Variants in SLC4A10 observed in about 807,000 individuals in gnomAD.
The protein encoded by SLC4A10 is sodium-driven chloride bicarbonate exchanger.
In SLC4A10, 42 loss-of-function variants were observed where a neutral mutation model predicts 137.7. That is an observed-to-expected ratio of 0.30 (90% CI 0.24 to 0.39). The LOEUF (loss-of-function observed/expected upper bound fraction) is 0.39, where lower values mean the gene tolerates loss of function less well. SLC4A10 is among the 10% of genes least tolerant of loss of function. The pLI, the probability that SLC4A10 is intolerant of heterozygous loss-of-function variation, is 1.00. For missense variants in SLC4A10, 925 were observed against 1,355.0 expected (o/e 0.68, Z 4.98); for synonymous variants, 474 against 464.1 (o/e 1.02, Z -0.27).
intron 1 of SLC4A10, among the ~76,000 whole-genome samples, chr2:161,711,693 A>G (rs929534472): frequency 2.0e-5 from 3 of 151,692 alleles, no homozygotes; most frequent in South Asian, 4.1e-4. Context: ...TTGATTTGCA[A>G]ATTCTTCTGG....
intron 20 of SLC4A10, among the ~76,000 whole-genome samples, chr2:161,957,554 C>T (rs967498223): frequency 5.3e-5 from 8 of 152,034 alleles, no homozygotes; most frequent in Non-Finnish European, 5.9e-5. Context: ...ACTTGTGACC[C>T]GAATCCATTA....
chr2:161,729,819 C>G (rs2046643710), intron 1 of SLC4A10, among the ~76,000 whole-genome samples: 1 of 152,184 alleles, frequency 6.6e-6, no homozygotes, highest in Non-Finnish European at 1.5e-5. Flanking sequence ...CTTCTCATCA[C>G]CTTTCACTAG....
In SLC4A10 at chr2:161,949,253, GT is replaced by G; in HGVS notation, c.2375del (p.Phe792SerfsTer15). ...IPSPKLQVPS[V>X]FKPTRDDRGW... Reference sequence around the variant, plus strand: ...ATCTCCAAAACTACAAGTACCAAGTGTTTTCAAGGTACTTACTATCTCTCTC... The same window carrying G: ...ATCTCCAAAACTACAAGTACCAAGTGTTTCAAGGTACTTACTATCTCTCTC... On this transcript the variant is annotated frameshift_variant, in exon 18 of 27. Coordinates refer to ENST00000446997, the MANE Select transcript of SLC4A10 (RefSeq NM_001178015.2). LOFTEE classifies it high-confidence loss of function. The G allele has an allele frequency of 6.3e-7, 1 of 1,595,532 alleles. No individual in the cohort carries two copies. Among genetic ancestry groups the G allele is most frequent in the East Asian group, 2.2e-5 (1 of 44,484 alleles).
chr2:161,844,030 A>G (rs1178189849), intron 4 of SLC4A10, among the ~76,000 whole-genome samples: 3 of 152,160 alleles, frequency 2.0e-5, no homozygotes, highest in African/African-American at 4.8e-5. Flanking sequence ...CACAATTACA[A>G]TGTCCTGCTT....
At chr2:161,628,312 A>G (rs566741956) in intron 1 of SLC4A10, among the ~76,000 whole-genome samples, 8 of 152,166 alleles carry the variant, frequency 5.3e-5, no homozygotes, top group African/African-American at 1.9e-4. Context: ...CTGATGTCTG[A>G]AAAAGGACTT....
chr2:161,883,149 A>G (rs2061943874), intron 10 of SLC4A10, among the ~76,000 whole-genome samples: 1 of 152,130 alleles, frequency 6.6e-6, no homozygotes, highest in Non-Finnish European at 1.5e-5. Flanking sequence ...ATTTGTTGTT[A>G]TTGTTAACGG....
rs1697241061 is a variant in SLC4A10, at chr2:161,964,442, A to G, written c.3036+134A>G. 3.2e-5 allele frequency: 30 copies of G among 923,410 alleles called. 1 individual carries two copies. In the South Asian group the frequency reaches 4.2e-4, roughly 13 times the overall value. 57.2% of individuals were successfully genotyped at this position (923,410 alleles called of 1,614,324 possible). Reference sequence around the variant, plus strand: ...TTGGAAAATATAAGTTTTGGCACTGAAAGTGTGACTAAGATAGGGTTTAAG... The same window carrying G: ...TTGGAAAATATAAGTTTTGGCACTGGAAGTGTGACTAAGATAGGGTTTAAG... On this transcript the variant is annotated intron_variant, in intron 22 of 26. Coordinates refer to ENST00000446997, the MANE Select transcript of SLC4A10 (RefSeq NM_001178015.2).
At chr2:161,730,106 AATAC>A (rs1417536104) in intron 1 of SLC4A10, among the ~76,000 whole-genome samples, 1 of 152,210 alleles carries the variant, frequency 6.6e-6, no homozygotes, top group Non-Finnish European at 1.5e-5. Flanking sequence ...TTCACAGAAC[AATAC>A]ATTAATTAAT....
intron 1 of SLC4A10, among the ~76,000 whole-genome samples, chr2:161,665,998 T>A (rs1453709169): frequency 6.7e-6 from 1 of 149,908 alleles, no homozygotes; most frequent in Non-Finnish European, 1.5e-5. Context: ...TTTCATTTAA[T>A]AGGAAATTAT....
intron 1 of SLC4A10, among the ~76,000 whole-genome samples, chr2:161,749,729 G>T (rs1011130301): frequency 1.3e-5 from 2 of 151,504 alleles, no homozygotes; most frequent in African/African-American, 4.8e-5. Context: ...TTTTTTGTTT[G>T]TTCTTGTGGT....
intron 26 of SLC4A10, among the ~76,000 whole-genome samples, chr2:161,979,170 T>C (rs1027646913): frequency 6.6e-6 from 1 of 152,242 alleles, no homozygotes; most frequent in Non-Finnish European, 1.5e-5. Context: ...TCCTGTATTA[T>C]ATGGATTCAA....
intron 15 of SLC4A10, among the ~76,000 whole-genome samples, chr2:161,918,807 T>C (rs1487635396): frequency 6.6e-6 from 1 of 151,952 alleles, no homozygotes; most frequent in Admixed American, 6.6e-5. Context: ...CCAGCTGCAG[T>C]AGGGGAGCTG....
chr2:161,961,149 T>C (rs1007323789), intron 21 of SLC4A10, among the ~76,000 whole-genome samples: 7 of 152,194 alleles, frequency 4.6e-5, no homozygotes, highest in Admixed American at 1.3e-4. Flanking sequence ...CTGATGTTCA[T>C]AGCATATAAG....
At chr2:161,845,224 T>G (rs1216357636) in intron 4 of SLC4A10, among the ~76,000 whole-genome samples, 1 of 152,174 alleles carries the variant, frequency 6.6e-6, no homozygotes, top group African/African-American at 2.4e-5. Flanking sequence ...AAAAGAGAGA[T>G]ATAGTTATGT....
chr2:161,755,057 G>C lies in SLC4A10; in HGVS notation c.49-15916G>C, dbSNP rs114985040. Among the ~76,000 whole-genome samples the C allele has an allele frequency of 7.0e-3, 1,060 of 152,112 alleles. 20 individuals are homozygous for C. Among genetic ancestry groups the C allele is most frequent in the African/African-American group, 0.025 (1,032 of 41,502 alleles). ...AACTTGTTCTTTTTAGTGTTCATTA[G>C]ATATGAAAAATATCATTTTAAAGCA... On this transcript the variant is annotated intron_variant, in intron 1 of 26. Transcript: ENST00000446997.
chr2:161,981,415 C>G (rs942919207), intron 26 of SLC4A10, among the ~76,000 whole-genome samples: 1 of 152,188 alleles, frequency 6.6e-6, no homozygotes, highest in Non-Finnish European at 1.5e-5. Flanking sequence ...AGCCTAGAGG[C>G]CATCTAGTCC....
intron 1 of SLC4A10, among the ~76,000 whole-genome samples, chr2:161,746,394 C>T (rs181680366): frequency 1.8e-3 from 280 of 152,050 alleles, no homozygotes; most frequent in African/African-American, 6.6e-3. Flanking sequence ...ATGACTACTG[C>T]ACGACTACTG....
intron 3 of SLC4A10, among the ~76,000 whole-genome samples, chr2:161,816,780 T>A (rs1282380794): frequency 3.3e-5 from 5 of 152,100 alleles, no homozygotes; most frequent in African/African-American, 7.2e-5. Context: ...GTTTCCAGCT[T>A]CATCCATGTC....
At chr2:161,839,753 A>G (rs1478739883) in intron 3 of SLC4A10, 36 bp from the exon 4 acceptor site, 5 of 1,610,410 alleles carry the variant, frequency 3.1e-6, no homozygotes, top group Non-Finnish European at 4.2e-6. Flanking sequence ...TCGTGGTAAT[A>G]CATGTTCATG....
Sources: gnomAD v4.1 joint callset for allele counts (sites outside exome capture counted in the v4.1 genomes callset) on GRCh38, gnomAD v4.1.1 for gene constraint, MANE v1.5 for transcripts, NCBI Gene and HGNC (gene_info 2026-07-23, HGNC 2026-07-21) for gene names.